The following TTC19 variants were observed in gnomAD, a reference collection of about 807,000 sequenced individuals.
The protein encoded by TTC19 is tetratricopeptide repeat domain 19.
Under a neutral mutation model 49.5 loss-of-function variants are expected in TTC19, and 38 were observed. That is an observed-to-expected ratio of 0.77 (90% CI 0.59 to 1.01). The LOEUF is 1.01. Among genes scored for constraint, TTC19 ranks in the 50% least tolerant of loss-of-function variants. The probability of loss-of-function intolerance (pLI) is 0.00; values close to 1 mark genes in which losing one functional copy is unlikely to be tolerated. For missense variants in TTC19, 475 were observed against 477.7 expected (o/e 0.99, Z 0.05); for synonymous variants, 204 against 185.2 (o/e 1.10, Z -0.83).
intron 8 of TTC19, 120 bp downstream of exon 8, chr17:16,025,291 C>A: frequency 9.9e-7 from 1 of 1,008,046 alleles, no homozygotes; most frequent in Non-Finnish European, 1.5e-6. Flanking sequence ...CCTTGGTCCC[C>A]AGTCTACTCA....
At chr17:16,043,470 CTG>C (rs1438960688) in intron 2 of TTC19, among the ~76,000 whole-genome samples, 1 of 152,192 alleles carries the variant, frequency 6.6e-6, no homozygotes, top group Non-Finnish European at 1.5e-5. Flanking sequence ...TAATTATCTC[CTG>C]TTAAAGTTAG....
At chr17:16,000,550 C>T in intron 2 of TTC19, 2 of 572,184 alleles carry the variant, frequency 3.5e-6, no homozygotes, top group Non-Finnish European at 5.0e-6. Flanking sequence ...AATTAACCAG[C>T]CTATCTGAAA....
chr17:16,003,341 G>A (rs1970797876), intron 4 of TTC19, among the ~76,000 whole-genome samples: 1 of 152,022 alleles, frequency 6.6e-6, no homozygotes, highest in Non-Finnish European at 1.5e-5. Context: ...ACCTCGACCT[G>A]CCAGGCTCAG....
At chr17:16,000,846 T>C (rs550600898) in intron 2 of TTC19, among the ~76,000 whole-genome samples, 1 of 152,314 alleles carries the variant, frequency 6.6e-6, no homozygotes, top group South Asian at 2.1e-4. Context: ...AAACGATCTT[T>C]AATGCCTCCT....
intron 7 of TTC19, among the ~76,000 whole-genome samples, chr17:16,014,884 G>T (rs568726791): frequency 6.6e-6 from 1 of 152,164 alleles, no homozygotes; most frequent in African/African-American, 2.4e-5. Flanking sequence ...AGGAAACTTA[G>T]TCTTATATCC....
rs1292212608 is a variant in TTC19 at position 16,028,487 on chromosome 17, G to A, written c.*965G>A. The A allele has an allele frequency of 4.4e-6, 2 of 453,896 alleles. No homozygotes were observed. Among genetic ancestry groups the A allele is most frequent in the African/African-American group, 4.0e-5 (2 of 49,952 alleles). The allele number at this position is 453,896 out of a possible 1,614,324, so 28.1% of individuals were successfully genotyped here. ...ACACTGGGATTCTTTCTTAGCTGTGGGGGAAGGTATTTGGTTAGATGACTT... is the reference window on the plus strand; with the variant it reads ...ACACTGGGATTCTTTCTTAGCTGTGAGGGAAGGTATTTGGTTAGATGACTT... On this transcript the variant is annotated 3_prime_UTR_variant, in exon 10 of 10. Coordinates refer to ENST00000261647, the MANE Select transcript of TTC19 (RefSeq NM_017775.4).
At chr17:16,002,133 CCTTTT>C in intron 3 of TTC19, 108 bp downstream of exon 3, 2 of 819,394 alleles carry the variant, frequency 2.4e-6, no homozygotes, top group African/African-American at 1.7e-5. Context: ...TTCTAAAACT[CCTTTT>C]CTTTTTACTG....
At chr17:16,039,917 A>G in intron 2 of TTC19, 1 of 427,062 alleles carries the variant, frequency 2.3e-6, no homozygotes, top group South Asian at 2.1e-5. Flanking sequence ...CAGTCTCCCA[A>G]GTAGCTGGGA....
At chr17:16,023,025 T>C (rs568349912) in intron 7 of TTC19, among the ~76,000 whole-genome samples, 2 of 152,264 alleles carry the variant, frequency 1.3e-5, no homozygotes, top group Non-Finnish European at 2.9e-5. Context: ...CAAAGAACCA[T>C]GTTTAAGTAA....
intron 7 of TTC19, among the ~76,000 whole-genome samples, chr17:16,014,591 G>A (rs8074888): frequency 0.16 from 24,771 of 152,098 alleles, 4,524 homozygotes; most frequent in African/African-American, 0.45. Flanking sequence ...GCATCCCCCA[G>A]AACCGAAGCT....
intron 2 of TTC19, among the ~76,000 whole-genome samples, chr17:16,044,185 A>AAAAG (rs1418397752): frequency 5.3e-5 from 8 of 151,478 alleles, no homozygotes; most frequent in Admixed American, 6.6e-5. Flanking sequence ...AAAAAAAAAA[A>AAAAG]AAAGAAAGAA....
chr17:16,018,366 G>A (rs1023152105), intron 7 of TTC19, among the ~76,000 whole-genome samples: 1 of 152,094 alleles, frequency 6.6e-6, no homozygotes, highest in Non-Finnish European at 1.5e-5. Flanking sequence ...TCATTTACCT[G>A]TATGTTGACC....
At position 16,024,175 on chromosome 17, in the gene TTC19, G is replaced by GT. The variant is rs1294440660; in HGVS notation, c.677-834dup. The GT allele has an allele frequency of 1.1e-4, 16 of 151,874 alleles. No individual in the cohort carries two copies. In the East Asian group the frequency reaches 1.7e-3, roughly 17 times the overall value. 9.4% of individuals were successfully genotyped at this position (151,874 alleles called of 1,614,324 possible). A position where few individuals can be genotyped will look rare whatever the true frequency, so the allele number is the denominator to read the frequency against. On this transcript the variant is annotated intron_variant, in intron 7 of 9. Coordinates refer to ENST00000261647, the MANE Select transcript of TTC19 (RefSeq NM_017775.4). ...ACATGGCATTAGGTATTTTAAGCTT[G>GT]TTTTTTTTCAGACATCGTATAGTCA...
intron 2 of TTC19, among the ~76,000 whole-genome samples, chr17:16,035,199 C>T (rs1974019159): frequency 1.3e-5 from 2 of 152,122 alleles, no homozygotes; most frequent in South Asian, 4.1e-4. Flanking sequence ...TGGCGGTTGC[C>T]AAAGGCTGGG....
Position 16,000,120 on chromosome 17 carries a change from C to T in TTC19, c.187C>T (p.Leu63Phe), listed in dbSNP as rs1325973072. ...GPGLLPLLAA[L>F]AWFSRPAAAE... ...GACCTCAGAGCCCCTTCCCGCAGCG[C>T]TCGCCTGGTTCTCGAGGCCCGCTGC... is the stretch of plus-strand genomic sequence containing the variant. The change falls in exon 2 of 10, where the codon CTC becomes TTC. Residue 63 changes from leucine to phenylalanine, a missense_variant and splice_region_variant. Coordinates refer to ENST00000261647, the MANE Select transcript of TTC19 (RefSeq NM_017775.4). The T allele has an allele frequency of 1.3e-6, 2 of 1,557,262 alleles. No homozygotes were observed. Among genetic ancestry groups the T allele is most frequent in the East Asian group, 4.6e-5 (2 of 43,124 alleles).
chr17:16,034,662 T>C lies in TTC19; in HGVS notation c.247+7960T>C. On this transcript the variant is annotated intron_variant, in intron 2 of 2. Coordinates refer to the TTC19 transcript ENST00000470649. ...TATTAATGATACAGAAATGGGAATA[T>C]AGGTTTCCAAATTAGAAGAGTTGCT... The C allele has an allele frequency of 4.8e-6, 5 of 1,050,612 alleles. No homozygotes were observed. In the South Asian group the frequency reaches 4.8e-5, roughly 10 times the overall value. 65.1% of individuals were successfully genotyped at this position (1,050,612 alleles called of 1,614,324 possible).
intron 2 of TTC19, among the ~76,000 whole-genome samples, chr17:16,044,014 A>G (rs1487775659): frequency 6.6e-6 from 1 of 152,090 alleles, no homozygotes; most frequent in African/African-American, 2.4e-5. Flanking sequence ...TACTAAAAAT[A>G]CAAAATTAGC....
At chr17:16,019,431 A>G (rs928984720) in intron 7 of TTC19, among the ~76,000 whole-genome samples, 2 of 152,198 alleles carry the variant, frequency 1.3e-5, no homozygotes, top group African/African-American at 4.8e-5. Flanking sequence ...TGCTTTTGTC[A>G]CTCAATATTA....
intron 2 of TTC19, among the ~76,000 whole-genome samples, chr17:16,036,193 T>G (rs749015470): frequency 6.6e-6 from 1 of 152,246 alleles, no homozygotes; most frequent in Non-Finnish European, 1.5e-5. Flanking sequence ...ATTCATCTCC[T>G]TGAACCTTTC....
Sources: allele counts gnomAD v4.1 joint callset (sites outside exome capture counted in the v4.1 genomes callset), GRCh38; gene constraint gnomAD v4.1.1; transcripts MANE v1.5; gene names NCBI Gene and HGNC (gene_info 2026-07-23, HGNC 2026-07-21).